Variants in HS6ST3 observed in about 807,000 individuals in gnomAD.
The protein encoded by HS6ST3 is heparan-sulfate 6-O-sulfotransferase 3.
In HS6ST3, 12 loss-of-function variants were observed where a neutral mutation model predicts 36.7. The ratio of observed to expected loss-of-function variants is 0.33; its 90% CI spans 0.21 to 0.53. The LOEUF is 0.53. HS6ST3 is among the 20% of genes least tolerant of loss of function. HS6ST3 has a pLI of 0.95. For missense variants in HS6ST3, 584 were observed against 640.9 expected (o/e 0.91, Z 0.96); for synonymous variants, 240 against 257.5 (o/e 0.93, Z 0.65).
intron 1 of HS6ST3, among the ~76,000 whole-genome samples, chr13:96,300,100 A>G (rs2054874626): frequency 8.0e-6 from 1 of 124,360 alleles, no homozygotes; most frequent in South Asian, 2.7e-4. Flanking sequence ...TCTGTCACCC[A>G]GGATGGAGTG....
chr13:96,091,716 TGAGAA>T, intron 1 of HS6ST3, 147 bp downstream of exon 1: 1 of 1,086,206 alleles, frequency 9.2e-7, no homozygotes, highest in Non-Finnish European at 1.3e-6. Flanking sequence ...TGGGGAGGGA[TGAGAA>T]ACCTCCGGAT....
intron 1 of HS6ST3, among the ~76,000 whole-genome samples, chr13:96,373,054 C>G: frequency 6.6e-6 from 1 of 152,100 alleles, no homozygotes; most frequent in East Asian, 1.9e-4. Flanking sequence ...TCCAGGTCTT[C>G]CTTGGCTTGT....
At chr13:96,773,863 C>T (rs1449631209) in intron 1 of HS6ST3, among the ~76,000 whole-genome samples, 1 of 152,176 alleles carries the variant, frequency 6.6e-6, no homozygotes, top group Non-Finnish European at 1.5e-5. Context: ...GGGTCCCTGA[C>T]CCCTGTGTCT....
At chr13:96,111,875 T>C (rs1271536760) in intron 1 of HS6ST3, among the ~76,000 whole-genome samples, 1 of 152,194 alleles carries the variant, frequency 6.6e-6, no homozygotes, top group Non-Finnish European at 1.5e-5. Context: ...AGACAAATGT[T>C]TTCTGAATGG....
At chr13:96,418,946 A>G (rs1451365561) in intron 1 of HS6ST3, among the ~76,000 whole-genome samples, 1 of 152,208 alleles carries the variant, frequency 6.6e-6, no homozygotes, top group African/African-American at 2.4e-5. Context: ...GATCTGACCC[A>G]TGTCTGCATC....
At chr13:96,432,443 G>A (rs933395952) in intron 1 of HS6ST3, among the ~76,000 whole-genome samples, 8 of 152,026 alleles carry the variant, frequency 5.3e-5, no homozygotes, top group African/African-American at 1.9e-4. Flanking sequence ...CTAGTATATT[G>A]TTAATAAAGG....
chr13:96,386,652 G>C (rs1594768813), intron 1 of HS6ST3, among the ~76,000 whole-genome samples: 1 of 152,068 alleles, frequency 6.6e-6, no homozygotes, highest in Admixed American at 6.6e-5. Flanking sequence ...GGATCACAAG[G>C]TCAAGAGATC....
At chr13:96,581,136 C>G (rs1466333178) in intron 1 of HS6ST3, among the ~76,000 whole-genome samples, 2 of 151,748 alleles carry the variant, frequency 1.3e-5, no homozygotes, top group Non-Finnish European at 2.9e-5. Context: ...ACTAGTATAC[C>G]ATTTGAAAAA....
Position 96,568,377 on chromosome 13 carries a change from C to T in HS6ST3, c.708-264113C>T, listed in dbSNP as rs536140789. Among the ~76,000 whole-genome samples, 5 of 152,298 alleles carry T rather than the reference C, an allele frequency of 3.3e-5. No individual in the cohort carries two copies. The South Asian group carries it at 6.2e-4, about 19-fold the overall frequency. ...TGCCTCCTGGGTTCAAGCGATTCTC[C>T]TTCCTCAGCCTCCTGAGTAGCTGAG... On this transcript the variant is annotated intron_variant, in intron 1 of 1. Coordinates refer to ENST00000376705, the MANE Select transcript of HS6ST3 (RefSeq NM_153456.4).
intron 1 of HS6ST3, among the ~76,000 whole-genome samples, chr13:96,763,361 C>T (rs1877014722): frequency 6.7e-6 from 1 of 150,286 alleles, no homozygotes; most frequent in South Asian, 2.1e-4. Flanking sequence ...AGTCATGGCA[C>T]ACACCTCTAA....
chr13:96,416,752 ATT>A (rs1023013886), intron 1 of HS6ST3, among the ~76,000 whole-genome samples: 28 of 130,830 alleles, frequency 2.1e-4, no homozygotes, highest in East Asian at 4.4e-4. Context: ...ATAGGGTAAC[ATT>A]TTTTTTTTTT....
chr13:96,410,521 C>T (rs898422385), intron 1 of HS6ST3, among the ~76,000 whole-genome samples: 1 of 151,072 alleles, frequency 6.6e-6, no homozygotes, highest in African/African-American at 2.4e-5. Context: ...ACAACAATAC[C>T]ACTCTAATAT....
intron 1 of HS6ST3, among the ~76,000 whole-genome samples, chr13:96,725,708 C>G (rs1485721493): frequency 6.6e-6 from 1 of 151,914 alleles, no homozygotes; most frequent in Non-Finnish European, 1.5e-5. Flanking sequence ...GTGAATCTAT[C>G]TATCTATTGA....
chr13:96,676,546 A>G (rs1320206377), intron 1 of HS6ST3, among the ~76,000 whole-genome samples: 1 of 152,188 alleles, frequency 6.6e-6, no homozygotes, highest in African/African-American at 2.4e-5. Context: ...ACTTATATCA[A>G]TTGTAGGTGA....
rs138703331 is a variant in HS6ST3, at chr13:96,573,790, G to A, written c.708-258700G>A. On this transcript the variant is annotated intron_variant, in intron 1 of 1. Transcript: ENST00000376705. ...CTTCAAAACTGCCAGCATGTAGACA[G>A]CAGCAGCAGATAGGAGAGTGTGTTG... is the stretch of plus-strand genomic sequence containing the variant. 6 of 361,424 alleles carry A rather than the reference G, an allele frequency of 1.7e-5. No individual in the cohort carries two copies. The East Asian group carries it at 4.6e-4, about 28-fold the overall frequency. The allele number at this position is 361,424 out of a possible 1,614,324, so 22.4% of individuals were successfully genotyped here. A position where few individuals can be genotyped will look rare whatever the true frequency, so the allele number is the denominator to read the frequency against.
At chr13:96,676,078 G>A (rs112751201) in intron 1 of HS6ST3, among the ~76,000 whole-genome samples, 1,853 of 152,284 alleles carry the variant, frequency 0.012, 27 homozygotes, top group African/African-American at 0.04. Flanking sequence ...TCTTGGAACA[G>A]GGTCCCTGTT....
intron 1 of HS6ST3, among the ~76,000 whole-genome samples, chr13:96,809,515 G>A (rs148340692): frequency 6.6e-6 from 1 of 152,312 alleles, no homozygotes; most frequent in East Asian, 1.9e-4. Context: ...GTCCACTGAA[G>A]AGGGATTCTG....
chr13:96,116,007 A>G (rs1459364247), intron 1 of HS6ST3, among the ~76,000 whole-genome samples: 1 of 152,084 alleles, frequency 6.6e-6, no homozygotes, highest in African/African-American at 2.4e-5. Flanking sequence ...AGTGATGTTG[A>G]GCTTTTATTC....
At chr13:96,222,486 G>A (rs2054460813) in intron 1 of HS6ST3, among the ~76,000 whole-genome samples, 1 of 152,228 alleles carries the variant, frequency 6.6e-6, no homozygotes, top group Non-Finnish European at 1.5e-5. Flanking sequence ...TCCAAGCAAC[G>A]AGGTAACAAG....
Sources: gnomAD v4.1 joint callset for allele counts (sites outside exome capture counted in the v4.1 genomes callset) on GRCh38, gnomAD v4.1.1 for gene constraint, MANE v1.5 for transcripts, NCBI Gene and HGNC (gene_info 2026-07-23, HGNC 2026-07-21) for gene names.